The following CFAP20DC variants were observed in gnomAD, a reference collection of about 807,000 sequenced individuals.
CFAP20DC encodes CFAP20 domain containing.
A neutral mutation model predicts 101.7 loss-of-function variants in CFAP20DC; 84 were observed. That is an observed-to-expected ratio of 0.83 (90% CI 0.69 to 0.99). The LOEUF (loss-of-function observed/expected upper bound fraction) is 0.99. Ranked by LOEUF, CFAP20DC falls within the 50% of genes least tolerant of loss-of-function variation. CFAP20DC has a pLI of 0.00. For synonymous variants in CFAP20DC, 359 were observed against 351.2 expected, an observed-to-expected ratio of 1.02 and a Z score of -0.25; for missense variants, 1,007 against 970.3, an observed-to-expected ratio of 1.04 and a Z score of -0.50.
chr3:58,870,431 G>A, intron 7 of CFAP20DC, 122 bp from the exon 8 acceptor site: 3 of 898,274 alleles, frequency 3.3e-6, no homozygotes, highest in South Asian at 3.1e-5. Flanking sequence ...TCCCCCCTCA[G>A]CATGTATTAA....
At chr3:58,898,908 GT>G (rs541689992) in intron 6 of CFAP20DC, among the ~76,000 whole-genome samples, 47 of 144,600 alleles carry the variant, frequency 3.3e-4, no homozygotes, top group Middle Eastern at 3.5e-3. Context: ...TTTTCTCTTT[GT>G]TTTTTTTTTT....
intron 15 of CFAP20DC, among the ~76,000 whole-genome samples, chr3:58,782,013 G>A (rs927307850): frequency 2.0e-5 from 3 of 151,866 alleles, no homozygotes; most frequent in Non-Finnish European, 2.9e-5. Context: ...GAATATAGAT[G>A]CAAAAATTCT....
At position 58,799,721 on chromosome 3, in the gene CFAP20DC, CTGTGTGTGTGTCTG is replaced by C. The variant is rs1424881750; in HGVS notation, c.2237+6660_2237+6673del. On this transcript the variant is annotated intron_variant, in intron 15 of 16. Coordinates refer to ENST00000482387, the MANE Select transcript of CFAP20DC (RefSeq NM_001394063.1). This position sits in a 1 kb window ranked among gnomAD's most constrained non-coding sequence, Gnocchi z 4.9. Reference sequence around the variant, plus strand: ...TCGAGAAGGAGCAGTGTGTGTGTGTCTGTGTGTGTGTCTGTGTGTGTGTGTGTGTGTGTGTGTGT... The same window carrying C: ...TCGAGAAGGAGCAGTGTGTGTGTGTCTGTGTGTGTGTGTGTGTGTGTGTGT... Among the ~76,000 whole-genome samples the C allele has an allele frequency of 4.5e-5, 6 of 134,556 alleles. No homozygotes were observed. Among genetic ancestry groups the C allele is most frequent in the Non-Finnish European group, 6.3e-5 (4 of 63,522 alleles). 88.3% of individuals were successfully genotyped at this position (134,556 alleles called of 152,430 possible). A position where few individuals can be genotyped will look rare whatever the true frequency, so the allele number is the denominator to read the frequency against.
At chr3:58,985,642 T>C (rs9830453) in intron 4 of CFAP20DC, among the ~76,000 whole-genome samples, 1,789 of 152,304 alleles carry the variant, frequency 0.012, 42 homozygotes, top group African/African-American at 0.04. Flanking sequence ...CATCCAAAAA[T>C]GCCGTGCTTA....
rs1477099877 is a variant in CFAP20DC, at chr3:58,760,870, TC to T, written c.2238-7008del. ...TTGCGTATGTTGAACCAGCCTTGCA[TC>T]CCAGGGATGAAGCCCACTTGATCAT... On this transcript the variant is annotated intron_variant, in intron 15 of 16. Coordinates refer to ENST00000482387, the MANE Select transcript of CFAP20DC (RefSeq NM_001394063.1). Among the ~76,000 whole-genome samples the T allele has an allele frequency of 2.6e-5, 4 of 152,236 alleles. No individual in the cohort carries two copies. The East Asian group carries it at 7.7e-4, about 29-fold the overall frequency.
chr3:58,961,490 G>T (rs1165116068), intron 4 of CFAP20DC, among the ~76,000 whole-genome samples: 1 of 152,098 alleles, frequency 6.6e-6, no homozygotes, highest in African/African-American at 2.4e-5. Flanking sequence ...GGAGGCAGAG[G>T]TTGCAGTGAG....
chr3:58,877,132 G>A (rs778856692), intron 7 of CFAP20DC, among the ~76,000 whole-genome samples: 30 of 152,080 alleles, frequency 2.0e-4, no homozygotes, highest in South Asian at 2.1e-4. Context: ...ACCTTCCACC[G>A]TGAATAGTAT....
intron 4 of CFAP20DC, among the ~76,000 whole-genome samples, chr3:58,982,450 T>A (rs888787977): frequency 6.6e-6 from 1 of 151,788 alleles, no homozygotes; most frequent in African/African-American, 2.4e-5. Flanking sequence ...AGCAAAGACT[T>A]GGAACCAAAT....
intron 15 of CFAP20DC, among the ~76,000 whole-genome samples, chr3:58,804,691 C>A (rs964102786): frequency 6.6e-6 from 1 of 152,030 alleles, no homozygotes; most frequent in Admixed American, 6.6e-5. Flanking sequence ...TAATTTGGAC[C>A]ACAGTTGGAT....
chr3:58,889,742 T>G (rs547317936), intron 6 of CFAP20DC, among the ~76,000 whole-genome samples: 3 of 135,600 alleles, frequency 2.2e-5, no homozygotes, highest in Middle Eastern at 3.2e-3. Flanking sequence ...AGATTAGGGA[T>G]TGGTGATGAC....
rs571446449 is a variant in CFAP20DC, at chr3:58,846,469, AC to A, written c.1971+2562del. Among the ~76,000 whole-genome samples the A allele has an allele frequency of 8.5e-3, 1,288 of 152,240 alleles. 17 individuals carry two copies. The highest frequency in any genetic ancestry group is 0.03 in the African/African-American group (1,247 of 41,506). Reference sequence around the variant, plus strand: ...ATCCAACCTACAAGGGATGTGAAGGACCTCTTCAGGGAGAACTACAAACCAC... The same window carrying A: ...ATCCAACCTACAAGGGATGTGAAGGACTCTTCAGGGAGAACTACAAACCAC... On this transcript the variant is annotated intron_variant, in intron 13 of 16. Coordinates refer to ENST00000482387, the MANE Select transcript of CFAP20DC (RefSeq NM_001394063.1).
chr3:58,811,259 C>T (rs1486742891), intron 14 of CFAP20DC, among the ~76,000 whole-genome samples: 1 of 152,070 alleles, frequency 6.6e-6, no homozygotes, highest in African/African-American at 2.4e-5. Flanking sequence ...CCATCCTAAG[C>T]CAAAAGAACA....
chr3:58,888,790 C>T (rs2081891466), intron 6 of CFAP20DC, among the ~76,000 whole-genome samples: 1 of 152,144 alleles, frequency 6.6e-6, no homozygotes, highest in Non-Finnish European at 1.5e-5. Flanking sequence ...GTGCATGTAT[C>T]CTTATAGTAG....
intron 3 of CFAP20DC, among the ~76,000 whole-genome samples, chr3:59,044,307 T>C (rs985967242): frequency 6.6e-6 from 1 of 152,146 alleles, no homozygotes; most frequent in African/African-American, 2.4e-5. Flanking sequence ...AAACTTCACA[T>C]AGAAGGTCAT....
intron 5 of CFAP20DC, among the ~76,000 whole-genome samples, chr3:58,921,482 A>C (rs1309886711): frequency 6.6e-6 from 1 of 151,702 alleles, no homozygotes; most frequent in African/African-American, 2.4e-5. Context: ...CTAATATTCT[A>C]ATTTTTTTTT....
chr3:58,932,404 A>C (rs1009758690), intron 5 of CFAP20DC, among the ~76,000 whole-genome samples: 5 of 152,206 alleles, frequency 3.3e-5, no homozygotes, highest in African/African-American at 9.6e-5. Context: ...CAACATTCAG[A>C]TTCAGGAAAT....
chr3:58,834,778 G>A (rs1162131839), intron 13 of CFAP20DC, among the ~76,000 whole-genome samples: 2 of 152,070 alleles, frequency 1.3e-5, no homozygotes, highest in African/African-American at 4.8e-5. Context: ...TACTAGGGGG[G>A]TCTCCAAATG....
chr3:58,935,191 A>G (rs1392995042), intron 5 of CFAP20DC, among the ~76,000 whole-genome samples: 2 of 152,224 alleles, frequency 1.3e-5, no homozygotes, highest in Non-Finnish European at 2.9e-5. Context: ...AAAGAGAAGA[A>G]AACACCTAGG....
At chr3:58,978,375 T>G (rs894018341) in intron 4 of CFAP20DC, among the ~76,000 whole-genome samples, 1 of 152,170 alleles carries the variant, frequency 6.6e-6, no homozygotes, top group Non-Finnish European at 1.5e-5. Flanking sequence ...AATTGCCTCA[T>G]AGTTGACAGC....
Sources: allele counts gnomAD v4.1 joint callset (sites outside exome capture counted in the v4.1 genomes callset), GRCh38; gene constraint gnomAD v4.1.1; non-coding constraint Gnocchi (gnomAD v3.1); transcripts MANE v1.5; gene names NCBI Gene and HGNC (gene_info 2026-07-23, HGNC 2026-07-21).